Variants in DMD observed in about 807,000 individuals in gnomAD.
DMD encodes the protein dystrophin.
A neutral mutation model predicts 330.1 loss-of-function variants in DMD; 63 were observed. The observed-to-expected ratio is 0.19, with a 90% CI of 0.16 to 0.24. The LOEUF is 0.24. Ranked by LOEUF, DMD falls within the 10% of genes least tolerant of loss-of-function variation. DMD has a pLI of 1.00. For missense variants in DMD, 3,344 were observed against 2,684.1 expected (o/e 1.25, Z -5.43); for synonymous variants, 1,223 against 959.8 (o/e 1.27, Z -5.07).
intron 17 of DMD, among the ~76,000 whole-genome samples, chrX:32,524,370 G>C (rs1307411899): frequency 8.9e-6 from 1 of 111,930 alleles, no homozygotes; most frequent in Admixed American, 9.4e-5. Flanking sequence ...CTATGTGCCA[G>C]ACATGCTATT....
chrX:32,048,857 T>C (rs895167967), intron 44 of DMD, among the ~76,000 whole-genome samples: 1 of 111,302 alleles, frequency 9.0e-6, no homozygotes, highest in African/African-American at 3.3e-5. Flanking sequence ...AAATAGTCTA[T>C]GAATGTAACC....
chrX:32,718,779 G>T (rs781743628), intron 7 of DMD, among the ~76,000 whole-genome samples: 9 of 111,807 alleles, frequency 8.0e-5, no homozygotes, highest in South Asian at 3.7e-4. Flanking sequence ...TTAAATGAAA[G>T]CCCTGAATTT....
chrX:31,593,667 G>T (rs1032628141), intron 55 of DMD, among the ~76,000 whole-genome samples: 2 of 110,484 alleles, frequency 1.8e-5, no homozygotes, highest in African/African-American at 6.5e-5. Flanking sequence ...GATTTTATTT[G>T]ATTTTAAATT....
intron 37 of DMD, among the ~76,000 whole-genome samples, chrX:32,351,986 G>A (rs2097783246): frequency 9.0e-6 from 1 of 110,883 alleles, no homozygotes; most frequent in East Asian, 2.8e-4. Flanking sequence ...AGACTACCGT[G>A]CATTTTGTTT....
intron 18 of DMD, among the ~76,000 whole-genome samples, chrX:32,514,930 A>AC (rs373499530): frequency 2.6e-3 from 293 of 112,076 alleles, no homozygotes; most frequent in African/African-American, 8.3e-3. Context: ...AAATCTACTA[A>AC]CCTAGTGCCA....
At chrX:31,473,281 T>C (rs747099260) in intron 59 of DMD, among the ~76,000 whole-genome samples, 31 of 104,984 alleles carry the variant, frequency 3.0e-4, no homozygotes, top group Non-Finnish European at 4.3e-4. Context: ...AGGCAGAGAA[T>C]TGCTTGAACC....
chrX:31,402,510 T>C (rs1379803024), intron 60 of DMD, among the ~76,000 whole-genome samples: 1 of 111,968 alleles, frequency 8.9e-6, no homozygotes, highest in Non-Finnish European at 1.9e-5. Context: ...TATCCTAAAG[T>C]ACAAAACGAG....
At chrX:31,867,087 T>C (rs745589176) in intron 48 of DMD, among the ~76,000 whole-genome samples, 127 of 65,354 alleles carry the variant, frequency 1.9e-3, no homozygotes, top group African/African-American at 8.5e-3. Context: ...ATGCAACATA[T>C]TTTGATATAT....
intron 30 of DMD, among the ~76,000 whole-genome samples, chrX:32,407,020 C>A (rs1384807484): frequency 1.8e-5 from 2 of 111,520 alleles, no homozygotes; most frequent in Non-Finnish European, 3.8e-5. Flanking sequence ...ACCATAAAAA[C>A]CCTAGAAGAA....
chrX:33,307,768 C>T (rs2053786086), intron 1 of DMD, among the ~76,000 whole-genome samples: 1 of 111,350 alleles, frequency 9.0e-6, no homozygotes, highest in Admixed American at 9.6e-5. Context: ...ATACAGCAGG[C>T]AGCACAGTAA....
At chrX:32,516,522 A>T (rs1466690091) in intron 18 of DMD, 3 of 111,763 alleles carry the variant, frequency 2.7e-5, no homozygotes, top group Non-Finnish European at 5.6e-5. Context: ...TATATTCCTG[A>T]AATACTGAAA....
At chrX:33,014,413 T>TA (rs1470321333) in intron 2 of DMD, among the ~76,000 whole-genome samples, 3 of 112,011 alleles carry the variant, frequency 2.7e-5, no homozygotes, top group Admixed American at 1.9e-4. Context: ...CCAGGACACT[T>TA]ACAGTATTCT....
chrX:33,215,488 T>C (rs1192249388), upstream of DMD, among the ~76,000 whole-genome samples: 2 of 111,869 alleles, frequency 1.8e-5, no homozygotes, highest in Non-Finnish European at 3.8e-5. Context: ...TTTACTTTGT[T>C]GATGTTTCTT....
intron 44 of DMD, among the ~76,000 whole-genome samples, chrX:32,033,561 A>G (rs2095903618): frequency 9.5e-6 from 1 of 105,174 alleles, no homozygotes; most frequent in African/African-American, 3.5e-5. Flanking sequence ...GCCAGGGAAT[A>G]AACTGCTTGC....
intron 2 of DMD, among the ~76,000 whole-genome samples, chrX:33,003,178 C>T (rs923814975): frequency 1.8e-5 from 2 of 110,447 alleles, no homozygotes; most frequent in Admixed American, 1.9e-4. Flanking sequence ...CCCTAGAGTC[C>T]ATTATATCAT....
chrX:32,427,306 G>C (rs1319734147), intron 29 of DMD, among the ~76,000 whole-genome samples: 1 of 111,352 alleles, frequency 9.0e-6, no homozygotes, highest in African/African-American at 3.3e-5. Flanking sequence ...AGTTTGAGTA[G>C]CCTATGAGAT....
chrX:31,968,074 A>G (rs956616980), intron 45 of DMD, among the ~76,000 whole-genome samples: 1 of 111,777 alleles, frequency 8.9e-6, no homozygotes, highest in African/African-American at 3.3e-5. Flanking sequence ...TATTGAAGAT[A>G]TTCACCTTTA....
intron 1 of DMD, among the ~76,000 whole-genome samples, chrX:33,063,261 ACT>A (rs1006328865): frequency 5.4e-5 from 6 of 111,578 alleles, no homozygotes; most frequent in Admixed American, 9.6e-5. Flanking sequence ...GTTACCAGAG[ACT>A]CTGCCAAATT....
chrX:33,326,208 T>C (rs895296566), intron 1 of DMD, among the ~76,000 whole-genome samples: 1 of 110,093 alleles, frequency 9.1e-6, no homozygotes, highest in African/African-American at 3.3e-5. Context: ...ATTACTACTT[T>C]AAGTTAAACT....
Sources: gnomAD v4.1 joint callset for allele counts (sites outside exome capture counted in the v4.1 genomes callset) on GRCh38, gnomAD v4.1.1 for gene constraint, MANE v1.5 for transcripts, NCBI Gene and HGNC (gene_info 2026-07-23, HGNC 2026-07-21) for gene names.